EIF2B3: variants seen among roughly 807,000 people sequenced by gnomAD.
EIF2B3 encodes the protein eukaryotic translation initiation factor 2B subunit gamma.
A neutral mutation model predicts 54.1 loss-of-function variants in EIF2B3; 20 were observed. That is an observed-to-expected ratio of 0.37 (90% CI 0.26 to 0.54). The LOEUF is 0.54. EIF2B3 is among the 20% of genes least tolerant of loss of function. The pLI, the probability that EIF2B3 is intolerant of heterozygous loss-of-function variation, is 0.86. For missense variants in EIF2B3, 448 were observed against 547.8 expected (o/e 0.82, Z 1.82); for synonymous variants, 153 against 188.1 (o/e 0.81, Z 1.52).
intron 5 of EIF2B3, chr1:44,925,074 T>C (rs1277795441): frequency 6.6e-6 from 1 of 152,216 alleles, no homozygotes; most frequent in African/African-American, 2.4e-5. Context: ...TCTTATGCAC[T>C]GTTGGTGGGA....
At chr1:44,984,104 G>C (rs1431589667) in intron 1 of EIF2B3, among the ~76,000 whole-genome samples, 3 of 152,090 alleles carry the variant, frequency 2.0e-5, no homozygotes. Flanking sequence ...ACAGGAACCC[G>C]GGAGGCAGCA....
intron 5 of EIF2B3, among the ~76,000 whole-genome samples, chr1:44,915,156 G>A (rs1643596369): frequency 6.6e-6 from 1 of 151,254 alleles, no homozygotes; most frequent in African/African-American, 2.4e-5. Context: ...AAAATTAGCT[G>A]AGTGGTAGTG....
In EIF2B3 at chr1:44,906,464, G is replaced by A. The variant is rs548161032; in HGVS notation, c.567-9020C>T. Among the ~76,000 whole-genome samples, 379 of 152,280 alleles carry A rather than the reference G, an allele frequency of 2.5e-3. 5 individuals are homozygous for A. The highest frequency in any genetic ancestry group is 8.9e-3 in the African/African-American group (369 of 41,554). On this transcript the variant is annotated intron_variant, in intron 5 of 11. Transcript: ENST00000360403. ...TGCCCAGGCTGGAGTGCAGTGGCACGATCTCGACTCACTGCAACCTCCGCC... is the reference window on the plus strand; with the variant it reads ...TGCCCAGGCTGGAGTGCAGTGGCACAATCTCGACTCACTGCAACCTCCGCC...
chr1:44,946,430 T>A (rs919266312), intron 3 of EIF2B3, among the ~76,000 whole-genome samples: 6 of 146,922 alleles, frequency 4.1e-5, no homozygotes, highest in Non-Finnish European at 8.9e-5. Flanking sequence ...ATCACACTTA[T>A]ACCTTCATAA....
At chr1:44,950,620 A>C (rs913139226) in intron 3 of EIF2B3, among the ~76,000 whole-genome samples, 3 of 152,124 alleles carry the variant, frequency 2.0e-5, no homozygotes, top group African/African-American at 7.2e-5. Flanking sequence ...TAAATTATTA[A>C]TTTATTAAAT....
At chr1:44,860,274 C>T (rs1177588066) in intron 10 of EIF2B3, among the ~76,000 whole-genome samples, 2 of 152,204 alleles carry the variant, frequency 1.3e-5, no homozygotes, top group Non-Finnish European at 2.9e-5. Context: ...TTCAGCCCCC[C>T]AAGTAGCTGA....
At chr1:44,868,359 C>G (rs1282002876) in intron 10 of EIF2B3, among the ~76,000 whole-genome samples, 1 of 132,822 alleles carries the variant, frequency 7.5e-6, no homozygotes, top group Non-Finnish European at 1.5e-5. Context: ...GATTGCGCCA[C>G]TGTACTCCAA....
chr1:44,850,962 T>A lies in EIF2B3; in HGVS notation c.1348A>T (p.Met450Leu). The A allele has an allele frequency of 6.2e-7, 1 of 1,613,648 alleles. No homozygotes were observed. Among genetic ancestry groups the A allele is most frequent in the Non-Finnish European group, 8.5e-7 (1 of 1,179,544 alleles). ...NEVIVGNDQL[M>L]EI ...GACTTGCTCAGAACTCAGATCTCCATGAGCTGGTCATTCCCCACGATCACC... is the reference window on the plus strand; with the variant it reads ...GACTTGCTCAGAACTCAGATCTCCAAGAGCTGGTCATTCCCCACGATCACC... The change falls in exon 12 of 12, where the codon ATG becomes TTG. Residue 450 changes from methionine (M) to leucine (L), a missense_variant. By Grantham distance (15) the Met-to-Leu change is conservative (BLOSUM62 2). This residue lies in a region of EIF2B3 where 350 missense variants were observed against 414.2 expected (regional missense o/e 0.85). Coordinates refer to ENST00000360403, the MANE Select transcript of EIF2B3 (RefSeq NM_020365.5).
intron 8 of EIF2B3, among the ~76,000 whole-genome samples, chr1:44,878,232 A>G (rs899426632): frequency 2.0e-5 from 3 of 152,120 alleles, no homozygotes; most frequent in Non-Finnish European, 2.9e-5. Flanking sequence ...CAGATTCCTG[A>G]GCCAGGTTTT....
intron 10 of EIF2B3, among the ~76,000 whole-genome samples, chr1:44,869,831 C>T (rs1654907674): frequency 6.6e-6 from 1 of 151,904 alleles, no homozygotes; most frequent in Non-Finnish European, 1.5e-5. Context: ...GGCAGTCTGA[C>T]TCAAAGCTCA....
chr1:44,958,491 G>A (rs1255285752), intron 3 of EIF2B3: 1 of 871,066 alleles, frequency 1.1e-6, no homozygotes, highest in Non-Finnish European at 1.8e-6. Context: ...TGGATATACA[G>A]TAGATGATTA....
rs548589419 is a variant in EIF2B3 at position 44,915,405 on chromosome 1, C to T, written c.566+11223G>A. ...CAACGCACTGCAGCCTCGAACTCCC[C>T]GGTAATTCCTCTCAAGAATGATGAA... On this transcript the variant is annotated intron_variant, in intron 5 of 11. Transcript: ENST00000360403. Among the ~76,000 whole-genome samples the T allele has an allele frequency of 1.9e-3, 288 of 152,144 alleles. 1 individual carries two copies. Among genetic ancestry groups the T allele is most frequent in the African/African-American group, 6.4e-3 (264 of 41,514 alleles).
intron 11 of EIF2B3, among the ~76,000 whole-genome samples, chr1:44,855,710 C>T (rs927216124): frequency 1.1e-4 from 16 of 152,290 alleles, no homozygotes; most frequent in Admixed American, 7.8e-4. Context: ...GCATGCACTA[C>T]CACACTTGGC....
At position 44,875,633 on chromosome 1, in the gene EIF2B3, A is replaced by C. The variant is rs765959337; in HGVS notation, c.1038T>G (p.Ile346Met). 43 of 1,614,072 alleles carry C rather than the reference A, an allele frequency of 2.7e-5. No individual in the cohort carries two copies. Among genetic ancestry groups the C allele is most frequent in the Non-Finnish European group, 3.6e-5 (42 of 1,180,034 alleles). The change falls in exon 9 of 12, where the codon ATT (isoleucine) becomes ATG (methionine). Residue 346 changes from isoleucine to methionine, a missense_variant. By Grantham distance (10) the Ile-to-Met change is conservative (BLOSUM62 1). Around this residue, in one of 3 missense-constraint regions of EIF2B3, gnomAD observed 350 missense variants for 414.2 expected, o/e 0.85. Coordinates refer to ENST00000360403, the MANE Select transcript of EIF2B3 (RefSeq NM_020365.5). ...TAGCACTTACCAGGTGTTTGCTGAC[A>C]ATCTGGGCTGACGAATGGACTGGTG... Reference protein sequence around the residue: ...EEPPVHSSAQIVSKHLVGVDS... With the variant: ...EEPPVHSSAQMVSKHLVGVDS...
intron 5 of EIF2B3, among the ~76,000 whole-genome samples, chr1:44,923,040 A>G (rs1643784129): frequency 1.3e-5 from 2 of 151,962 alleles, no homozygotes; most frequent in South Asian, 2.1e-4. Flanking sequence ...TGCTGTTAGC[A>G]TATAGAAATA....
intron 3 of EIF2B3, chr1:44,958,904 C>A: frequency 1.2e-6 from 1 of 804,114 alleles, no homozygotes; most frequent in Non-Finnish European, 2.2e-6. Context: ...AGGCTGAGGG[C>A]CATCTGAAAC....
chr1:44,961,818 C>T (rs1314137211), intron 3 of EIF2B3, among the ~76,000 whole-genome samples: 2 of 152,126 alleles, frequency 1.3e-5, no homozygotes, highest in Non-Finnish European at 2.9e-5. Context: ...AATGACAGAA[C>T]AAGAATTATC....
At chr1:44,874,166 C>T (rs1052305058) in intron 10 of EIF2B3, among the ~76,000 whole-genome samples, 13 of 152,096 alleles carry the variant, frequency 8.5e-5, no homozygotes, top group Admixed American at 2.0e-4. Flanking sequence ...TCTTCATTTT[C>T]CCAGAGTTAA....
Position 44,874,926 on chromosome 1 carries a change from G to C in EIF2B3, c.1054-100C>G, listed in dbSNP as rs956569013. ...TGGGATCTAATGGGATCTTTCCATA[G>C]AGACACTTCAGCAAGAGGGACCATG... On this transcript the variant is annotated intron_variant, in intron 9 of 11. Coordinates refer to ENST00000360403, the MANE Select transcript of EIF2B3 (RefSeq NM_020365.5). The C allele has an allele frequency of 6.2e-6, 9 of 1,446,856 alleles. No homozygotes were observed. The East Asian group carries it at 2.0e-4, about 33-fold the overall frequency. The allele number at this position is 1,446,856 out of a possible 1,614,324, so 89.6% of individuals were successfully genotyped here.
Sources: gnomAD v4.1 joint callset for allele counts (sites outside exome capture counted in the v4.1 genomes callset) on GRCh38, gnomAD v4.1.1 for gene constraint, gnomAD v4.1.1 regional missense constraint, MANE v1.5 for transcripts, NCBI Gene and HGNC (gene_info 2026-07-23, HGNC 2026-07-21) for gene names.